C6: variants seen among roughly 807,000 people sequenced by gnomAD.
The protein encoded by C6 is complement C6, also known as complement component C6.
Under a neutral mutation model 112.9 loss-of-function variants are expected in C6, and 101 were observed. The ratio of observed to expected loss-of-function variants is 0.89; its 90% CI spans 0.76 to 1.06. The LOEUF is 1.06. Among genes scored for constraint, C6 ranks in the 50% least tolerant of loss-of-function variants. The pLI, the probability that C6 is intolerant of heterozygous loss-of-function variation, is 0.00. For missense variants in C6, 1,202 were observed against 1,104.6 expected (o/e 1.09, Z -1.25); for synonymous variants, 431 against 384.1 (o/e 1.12, Z -1.43).
intron 1 of C6, among the ~76,000 whole-genome samples, chr5:41,209,235 C>G (rs909026246): frequency 1.3e-5 from 2 of 152,124 alleles, no homozygotes; most frequent in African/African-American, 4.8e-5. Flanking sequence ...ATAATAAGAG[C>G]TATTTATGAC....
chr5:41,237,933 A>C (rs1181004018), intron 1 of C6, among the ~76,000 whole-genome samples: 1 of 11,844 alleles, frequency 8.4e-5, no homozygotes, highest in African/African-American at 3.9e-4. Context: ...ATACACCAAC[A>C]ACAGACAAAC....
Position 41,209,193 on chromosome 5 carries a change from A to G in C6, c.-21+4183T>C, listed in dbSNP as rs183793548. On this transcript the variant is annotated intron_variant, in intron 1 of 17. Coordinates refer to ENST00000337836, the MANE Select transcript of C6 (RefSeq NM_000065.5). The stretch of plus-strand genomic sequence containing the variant: ...CAGCACTTCATGCTAAAAACTCTCA[A>G]TAAACTAGGTATTGATGGGATGTAT... 3.4e-3 allele frequency among the ~76,000 whole-genome samples: 517 copies of G among 152,350 alleles called. 1 individual carries two copies. The highest frequency in any genetic ancestry group is 0.012 in the African/African-American group (507 of 41,576).
At chr5:41,258,701 A>T (rs1185147120) in intron 1 of C6, among the ~76,000 whole-genome samples, 1 of 152,192 alleles carries the variant, frequency 6.6e-6, no homozygotes, top group East Asian at 1.9e-4. Context: ...GAGACTGGGT[A>T]ATTTATAAAG....
intron 1 of C6, among the ~76,000 whole-genome samples, chr5:41,224,828 T>A (rs1243527622): frequency 6.6e-6 from 1 of 152,184 alleles, no homozygotes; most frequent in Non-Finnish European, 1.5e-5. Flanking sequence ...ACTGTCAAAT[T>A]ATTTTCTGTA....
chr5:41,173,709 G>A (rs1748614646), intron 8 of C6, among the ~76,000 whole-genome samples: 1 of 152,044 alleles, frequency 6.6e-6, no homozygotes, highest in African/African-American at 2.4e-5. Context: ...TATTGAAATG[G>A]AAATCTGAAG....
chr5:41,188,450 T>C (rs902128236), intron 5 of C6, among the ~76,000 whole-genome samples: 1 of 150,738 alleles, frequency 6.6e-6, no homozygotes, highest in Non-Finnish European at 1.5e-5. Context: ...GGAACAGAAA[T>C]GCATCTAGAA....
chr5:41,236,692 C>G (rs934589113), intron 1 of C6, among the ~76,000 whole-genome samples: 14 of 137,056 alleles, frequency 1.0e-4, no homozygotes, highest in African/African-American at 3.1e-4. Flanking sequence ...CAAACACATT[C>G]AAAAGCTAGC....
At chr5:41,256,834 G>A (rs1431331698) in intron 1 of C6, among the ~76,000 whole-genome samples, 1 of 152,084 alleles carries the variant, frequency 6.6e-6, no homozygotes, top group East Asian at 1.9e-4. Context: ...TTTTACAAAT[G>A]GGTAAAGGAA....
rs773561042 is a variant in C6, at chr5:41,160,181, C to T, written c.1645G>A (p.Gly549Ser). The stretch of plus-strand genomic sequence containing the variant: ...GGAGACTGTTTCTCACAGTTCTCAC[C>T]ATAGGTGCCACTCTGACACACACAC... ...CLCVCQSGTY[G>S]ENCEKQSPDY... Residue 549 changes from glycine to serine, a missense_variant, in exon 11 of 18, where the codon GGT (glycine) becomes AGT (serine). Transcript: ENST00000337836. 2 of 1,613,788 alleles carry T rather than the reference C, an allele frequency of 1.2e-6. No individual in the cohort carries two copies. Among genetic ancestry groups the T allele is most frequent in the Admixed American group, 1.7e-5 (1 of 59,978 alleles).
At chr5:41,206,940 T>C (rs4957379) in intron 1 of C6, among the ~76,000 whole-genome samples, 16,448 of 152,102 alleles carry the variant, frequency 0.11, 874 homozygotes, top group African/African-American at 0.14. Flanking sequence ...ACACCAAAGT[T>C]GAAATGAAGG....
intron 9 of C6, 28 bp downstream of exon 9, chr5:41,172,197 A>G (rs1017483580): frequency 1.9e-6 from 3 of 1,612,846 alleles, no homozygotes; most frequent in Admixed American, 1.7e-5. Context: ...GGCACACTGG[A>G]TAAGCTGCTA....
intron 5 of C6, 93 bp downstream of exon 5, chr5:41,195,699 G>A (rs866344018): frequency 3.0e-6 from 4 of 1,322,108 alleles, no homozygotes; most frequent in Non-Finnish European, 4.3e-6. Flanking sequence ...AGAAGTTAAT[G>A]AGGAAGATGG....
intron 1 of C6, among the ~76,000 whole-genome samples, chr5:41,235,087 T>A (rs1008448321): frequency 3.3e-5 from 5 of 150,794 alleles, no homozygotes; most frequent in African/African-American, 1.2e-4. Flanking sequence ...GTTTTTTTTT[T>A]TATTATACTT....
chr5:41,243,119 T>C (rs1740828058), intron 1 of C6, among the ~76,000 whole-genome samples: 1 of 152,172 alleles, frequency 6.6e-6, no homozygotes, highest in Admixed American at 6.5e-5. Context: ...ATATTGTACA[T>C]TTCAAAATTG....
At chr5:41,217,908 C>G (rs1205813572), upstream of C6, among the ~76,000 whole-genome samples, 1 of 152,096 alleles carries the variant, frequency 6.6e-6, no homozygotes, top group African/African-American at 2.4e-5. Flanking sequence ...TTGTCCCAAA[C>G]ATCTTGAATA....
At chr5:41,234,015 G>C (rs916470733) in intron 1 of C6, among the ~76,000 whole-genome samples, 1 of 151,956 alleles carries the variant, frequency 6.6e-6, no homozygotes, top group African/African-American at 2.4e-5. Flanking sequence ...AACCTTCAAA[G>C]TATTGCTATA....
chr5:41,228,928 T>C (rs1463650112), intron 1 of C6, among the ~76,000 whole-genome samples: 2 of 152,158 alleles, frequency 1.3e-5, no homozygotes, highest in Non-Finnish European at 2.9e-5. Context: ...TCTTTTCTTG[T>C]TGTGTCTTTG....
chr5:41,199,812 T>G lies in C6; in HGVS notation c.401A>C (p.Lys134Thr). 1 of 1,613,810 alleles carries G rather than the reference T, an allele frequency of 6.2e-7. No individual in the cohort carries two copies. The highest frequency in any genetic ancestry group is 2.2e-5 in the East Asian group (1 of 44,872). Residue 134 changes from lysine to threonine, a missense_variant, in exon 4 of 18, where the codon AAA becomes ACA. Physicochemically the swap from Lys to Thr is moderately conservative, Grantham distance 78. Coordinates refer to ENST00000337836, the MANE Select transcript of C6 (RefSeq NM_000065.5). ...FQPCIPSKLC[K>T]IEEADCKNKF... ...ATTCTTGCAGTCAGCCTCTTCAATT[T>G]TGCAGAGCTTAGATGGAATGCATGG...
At chr5:41,183,015 A>G (rs113221410) in intron 6 of C6, among the ~76,000 whole-genome samples, 4 of 152,354 alleles carry the variant, frequency 2.6e-5, no homozygotes, top group African/African-American at 9.6e-5. Context: ...TAACCCAGTG[A>G]TCTGTTAGTA....
Sources: gnomAD v4.1 joint callset for allele counts (sites outside exome capture counted in the v4.1 genomes callset) on GRCh38, gnomAD v4.1.1 for gene constraint, MANE v1.5 for transcripts, NCBI Gene and HGNC (gene_info 2026-07-23, HGNC 2026-07-21) for gene names.